The following KCNAB2 variants were observed in gnomAD, a reference collection of about 807,000 sequenced individuals.
The protein encoded by KCNAB2 is voltage-gated potassium channel subunit beta-2.
Under a neutral mutation model 63.6 loss-of-function variants are expected in KCNAB2, and 29 were observed. The observed-to-expected ratio is 0.46, with a 90% CI of 0.34 to 0.62. The LOEUF is 0.62. Ranked by LOEUF, KCNAB2 falls within the 20% of genes least tolerant of loss-of-function variation. KCNAB2 has a pLI of 0.01. For synonymous variants in KCNAB2, 222 were observed against 224.2 expected, an observed-to-expected ratio of 0.99 and a Z score of 0.09; for missense variants, 359 against 563.9, an observed-to-expected ratio of 0.64 and a Z score of 3.68.
rs544126176 is a variant in KCNAB2, at chr1:6,009,427, A to G, written c.-53+16639A>G. ...TGTGTGCACACGTGTGCATATGTGT[A>G]TGCACACACCTGCACACACACCTTC... is the stretch of plus-strand genomic sequence containing the variant. On this transcript the variant is annotated intron_variant, in intron 1 of 16. Coordinates refer to the KCNAB2 transcript ENST00000341524. 1.7e-4 allele frequency among the ~76,000 whole-genome samples: 26 copies of G among 152,228 alleles called. No homozygotes were observed. The South Asian group carries it at 2.7e-3, about 16-fold the overall frequency.
chr1:6,097,344 T>C lies in KCNAB2; in HGVS notation c.1145T>C (p.Ile382Thr), dbSNP rs1431577851. 5.2e-6 allele frequency: 8 copies of C among 1,552,376 alleles called. No individual in the cohort carries two copies. Among genetic ancestry groups the C allele is most frequent in the South Asian group, 1.2e-5 (1 of 84,182 alleles). ...ASNADQLMEN[I>T]GAIQVLPKLS... The stretch of plus-strand genomic sequence containing the variant: ...AATGCGGACCAGCTCATGGAGAACA[T>C]TGGGGCAATACAGGTAAGAGTGAGA... Residue 382 changes from isoleucine (I) to threonine (T), a missense_variant, in exon 15 of 16, where the codon ATT becomes ACT. Around this residue, in one of 2 missense-constraint regions of KCNAB2, gnomAD observed 271 missense variants for 476.1 expected, o/e 0.57. Coordinates refer to ENST00000378083, the MANE Select transcript of KCNAB2 (RefSeq NM_001199862.2).
intron 2 of KCNAB2, among the ~76,000 whole-genome samples, chr1:6,059,082 C>G (rs1336740458): frequency 6.6e-6 from 1 of 152,190 alleles, no homozygotes; most frequent in East Asian, 1.9e-4. Flanking sequence ...GCAGAGAGAC[C>G]CAGACTCCTG....
At chr1:6,084,239 G>A (rs927017366) in intron 5 of KCNAB2, among the ~76,000 whole-genome samples, 1 of 152,250 alleles carries the variant, frequency 6.6e-6, no homozygotes, top group African/African-American at 2.4e-5. Context: ...CAGTGCTGCA[G>A]TGCCAGGCAA....
chr1:6,088,862 G>A, intron 7 of KCNAB2, 146 bp from the exon 8 acceptor site: 4 of 731,912 alleles, frequency 5.5e-6, no homozygotes, highest in South Asian at 1.7e-5. Flanking sequence ...GTAGCCTCGG[G>A]TCCCTACCCC....
Position 6,082,155 on chromosome 1 carries a change from A to AC in KCNAB2, c.301-35dup. ...TGGTGCTCCAGAGCCTCTGGGCCCC[A>AC]CCCCCGGCTGGCAGGACAGTGTCGG... On this transcript the variant is annotated intron_variant, in intron 4 of 15. Coordinates refer to ENST00000378083, the MANE Select transcript of KCNAB2 (RefSeq NM_001199862.2). 7 of 1,578,758 alleles carry AC rather than the reference A, an allele frequency of 4.4e-6. No homozygotes were observed. The Middle Eastern group carries it at 5.0e-4, about 113-fold the overall frequency.
At chr1:6,094,097 C>G (rs1002959942) in intron 10 of KCNAB2, among the ~76,000 whole-genome samples, 4 of 152,200 alleles carry the variant, frequency 2.6e-5, no homozygotes, top group Non-Finnish European at 5.9e-5. Flanking sequence ...ATTGTCCCCT[C>G]TAATCTACCA....
At chr1:6,012,523 G>A (rs373173181) in intron 1 of KCNAB2, among the ~76,000 whole-genome samples, 1 of 59,100 alleles carries the variant, frequency 1.7e-5, no homozygotes, top group Non-Finnish European at 3.1e-5. Flanking sequence ...GATGGAGGTA[G>A]TGGTGGAGGT....
rs1665913269 is a variant in KCNAB2, at chr1:6,099,852, G to C, written c.*1278G>C. The C allele has an allele frequency of 1.3e-6, 2 of 1,547,724 alleles. No homozygotes were observed. The highest frequency in any genetic ancestry group is 2.4e-5 in the South Asian group (2 of 83,654). On this transcript the variant is annotated 3_prime_UTR_variant, in exon 16 of 16. Transcript: ENST00000378083. ...AGGGGAGAGAGGGCAGGACAGGCCA[G>C]AGTGACGCCCCCGTGCAGCTTGGGC...
At chr1:6,084,646 T>C (rs1320368823) in intron 5 of KCNAB2, among the ~76,000 whole-genome samples, 1 of 152,024 alleles carries the variant, frequency 6.6e-6, no homozygotes, top group Non-Finnish European at 1.5e-5. Context: ...TGAAACCCCG[T>C]CTCTACTAAA....
At chr1:6,076,087 A>G (rs534269768) in intron 4 of KCNAB2, among the ~76,000 whole-genome samples, 1 of 152,302 alleles carries the variant, frequency 6.6e-6, no homozygotes, top group South Asian at 2.1e-4. Flanking sequence ...GTGGCCCTTT[A>G]CAGAAAAGAC....
chr1:6,039,919 TCTG>T (rs1436898267), intron 1 of KCNAB2, among the ~76,000 whole-genome samples: 2 of 152,238 alleles, frequency 1.3e-5, no homozygotes, highest in Non-Finnish European at 2.9e-5. Context: ...TTTGCCGTGT[TCTG>T]CTGGTTAGAA....
At chr1:6,095,736 G>C in intron 13 of KCNAB2, 112 bp downstream of exon 13, 1 of 990,464 alleles carries the variant, frequency 1.0e-6, no homozygotes, top group South Asian at 1.4e-5. Context: ...AGCTGCAGCT[G>C]TTCCCACCTC....
chr1:6,043,757 T>G (rs1660697952), upstream of KCNAB2, among the ~76,000 whole-genome samples: 1 of 152,266 alleles, frequency 6.6e-6, no homozygotes, highest in Non-Finnish European at 1.5e-5. Context: ...TCAAGGCATG[T>G]GCCCTGCCCC....
At chr1:6,079,616 G>A (rs538795451) in intron 4 of KCNAB2, among the ~76,000 whole-genome samples, 7 of 152,218 alleles carry the variant, frequency 4.6e-5, no homozygotes, top group Middle Eastern at 3.4e-3. Context: ...ACTGAAACAA[G>A]CCACAAAAAG....
intron 4 of KCNAB2, among the ~76,000 whole-genome samples, chr1:6,076,527 T>TA (rs1464121884): frequency 6.6e-6 from 1 of 152,204 alleles, no homozygotes; most frequent in East Asian, 1.9e-4. Context: ...ACCTAACACT[T>TA]ATTATCTCAC....
intron 1 of KCNAB2, among the ~76,000 whole-genome samples, chr1:6,000,683 A>T (rs1657204984): frequency 6.6e-6 from 1 of 151,310 alleles, no homozygotes; most frequent in Admixed American, 6.6e-5. Flanking sequence ...AAACAGTGAT[A>T]TCCCTGGGAG....
At chr1:6,066,859 A>T (rs1225502346) in intron 2 of KCNAB2, among the ~76,000 whole-genome samples, 1 of 152,244 alleles carries the variant, frequency 6.6e-6, no homozygotes, top group Non-Finnish European at 1.5e-5. Context: ...GCCAGGCCGC[A>T]TCTGGAGTTT....
Position 6,051,554 on chromosome 1 carries a change from C to T in KCNAB2, c.18C>T (p.Tyr6=). 6.5e-7 allele frequency: 1 copy of T among 1,531,520 alleles called. No individual in the cohort carries two copies. 94.9% of individuals were successfully genotyped at this position (1,531,520 alleles called of 1,614,324 possible). ...GCGGCACCATGCTGTCCATGACGTA[C>T]AGCGAGAGTCTGCGGAGCGTGAGCA... MLSMT[Y]SESLRSVSSR... is the part of the protein sequence containing the mutation. Residue 6 remains tyrosine (Y), a synonymous_variant, in exon 2 of 16, where the codon TAC becomes TAT. Transcript: ENST00000378083.
chr1:6,014,501 A>C (rs976888119), intron 1 of KCNAB2, among the ~76,000 whole-genome samples: 2 of 152,250 alleles, frequency 1.3e-5, no homozygotes, highest in Non-Finnish European at 1.5e-5. Flanking sequence ...GAGCAACTCA[A>C]ATCAAAAATA....
Sources: gnomAD v4.1 joint callset for allele counts (sites outside exome capture counted in the v4.1 genomes callset) on GRCh38, gnomAD v4.1.1 for gene constraint, gnomAD v4.1.1 regional missense constraint, MANE v1.5 for transcripts, NCBI Gene and HGNC (gene_info 2026-07-23, HGNC 2026-07-21) for gene names.